Variants in TCP10L observed in about 807,000 individuals in gnomAD.
TCP10L encodes the protein t-complex 10 like, also known as T-complex protein 10A homolog 1.
In TCP10L, 11 loss-of-function variants were observed where a neutral mutation model predicts 19.2. That is an observed-to-expected ratio of 0.57 (90% CI 0.36 to 0.95). TCP10L has a LOEUF of 0.95. Among genes scored for constraint, TCP10L ranks in the 40% least tolerant of loss-of-function variants. TCP10L has a pLI of 0.01. For synonymous variants in TCP10L, 96 were observed against 97.2 expected (o/e 0.99, Z 0.07); for missense variants, 247 against 263.9 (o/e 0.94, Z 0.44).
At position 32,584,318 on chromosome 21, in the gene TCP10L, G is replaced by T; in HGVS notation, c.-1-13C>A. 6.2e-7 allele frequency: 1 copy of T among 1,612,084 alleles called. No individual in the cohort carries two copies. Among genetic ancestry groups the T allele is most frequent in the Non-Finnish European group, 8.5e-7 (1 of 1,179,026 alleles). On this transcript the variant is annotated splice_polypyrimidine_tract_variant and intron_variant, in intron 1 of 4. Transcript: ENST00000300258. ...ACCTGCCAGCATCCTGGTTGGGAAG[G>T]GAAGGGCTATGGGGACACTTGAATG...
chr21:32,584,444 T>TG, intron 1 of TCP10L, 139 bp from the exon 2 acceptor site: 1 of 911,204 alleles, frequency 1.1e-6, no homozygotes, highest in Non-Finnish European at 1.6e-6. Context: ...CATGTGCACA[T>TG]TCCCAGGCCC....
Position 32,576,881 on chromosome 21 carries a change from G to T in TCP10L, c.541C>A (p.Pro181Thr). 1.2e-6 allele frequency: 2 copies of T among 1,614,142 alleles called. No homozygotes were observed. Among genetic ancestry groups the T allele is most frequent in the Non-Finnish European group, 1.7e-6 (2 of 1,180,022 alleles). The change falls in exon 5 of 5, where the codon CCA becomes ACA. Residue 181 changes from proline to threonine, a missense_variant. Pro to Thr is a conservative substitution (Grantham distance 38). Coordinates refer to ENST00000300258, the MANE Select transcript of TCP10L (RefSeq NM_144659.7). ...KIERISSWKTPPQENRDKNLS... is the reference protein window; with the variant it reads ...KIERISSWKTTPQENRDKNLS... Reference sequence around the variant, plus strand: ...TTTTTATCTCTATTTTCCTGTGGTGGTGTTTTCCACGAGCTAATTCTTTCT... The same window carrying T: ...TTTTTATCTCTATTTTCCTGTGGTGTTGTTTTCCACGAGCTAATTCTTTCT...
At position 32,582,589 on chromosome 21, in the gene TCP10L, T is replaced by C. The variant is rs7510453; in HGVS notation, c.145-174A>G. On this transcript the variant is annotated intron_variant, in intron 2 of 4. Transcript: ENST00000300258. The surrounding 1 kb of genome is among the most constrained non-coding windows in gnomAD (Gnocchi z 4.2). ...CTTTTTCTTTCTTCTTTCTTTCCTT[T>C]CTTTCTTTCTTTTCTTTTCTTTTTT... Among the ~76,000 whole-genome samples, 5 of 143,742 alleles carry C rather than the reference T, an allele frequency of 3.5e-5. No individual in the cohort carries two copies. Among genetic ancestry groups the C allele is most frequent in the African/African-American group, 5.3e-5 (2 of 38,062 alleles). 94.3% of individuals were successfully genotyped at this position (143,742 alleles called of 152,430 possible). A position where few individuals can be genotyped will look rare whatever the true frequency, so the allele number is the denominator to read the frequency against.
intron 3 of TCP10L, among the ~76,000 whole-genome samples, chr21:32,579,560 T>C (rs1164152083): frequency 6.6e-6 from 1 of 152,186 alleles, no homozygotes; most frequent in Non-Finnish European, 1.5e-5. Flanking sequence ...TCAAATCAGG[T>C]ATGCTCTTGT....
intron 3 of TCP10L, among the ~76,000 whole-genome samples, chr21:32,580,168 C>G (rs576696882): frequency 6.6e-6 from 1 of 152,038 alleles, no homozygotes. Context: ...TGCAGTGGCG[C>G]GATCTCGGCT....
At position 32,582,292 on chromosome 21, in the gene TCP10L, G is replaced by T. The variant is rs142177455; in HGVS notation, c.268C>A (p.Arg90=). The stretch of plus-strand genomic sequence containing the variant: ...AGCTGCAGAGCTCTCAGCTTTTCTC[G>T]GAGCTCCATGTTCTGCTCCCTCAAA... The part of the protein sequence containing the change: ...DALREQNMEL[R]EKLRALQLQR... Residue 90 remains arginine (R), a synonymous_variant, in exon 3 of 5, where the codon CGA becomes AGA. Transcript: ENST00000300258. This position sits in a 1 kb window ranked among gnomAD's most constrained non-coding sequence, Gnocchi z 4.2. 3.1e-6 allele frequency: 5 copies of T among 1,613,950 alleles called. No homozygotes were observed. Among genetic ancestry groups the T allele is most frequent in the Non-Finnish European group, 4.2e-6 (5 of 1,180,022 alleles).
intron 2 of TCP10L, among the ~76,000 whole-genome samples, chr21:32,583,409 G>A (rs1214940293): frequency 1.3e-5 from 2 of 151,612 alleles, no homozygotes; most frequent in Non-Finnish European, 2.9e-5. Flanking sequence ...CTAACACGGT[G>A]AAACCCCGTC....
intron 3 of TCP10L, among the ~76,000 whole-genome samples, chr21:32,580,777 T>G (rs950048626): frequency 6.6e-6 from 1 of 152,200 alleles, no homozygotes; most frequent in Non-Finnish European, 1.5e-5. Context: ...ATTCACACTC[T>G]CTTAGGCTGG....
In TCP10L at chr21:32,576,696, G is replaced by C. The variant is rs1414741446; in HGVS notation, c.*78C>G. The C allele has an allele frequency of 4.1e-6, 6 of 1,457,928 alleles. No homozygotes were observed. Among genetic ancestry groups the C allele is most frequent in the Non-Finnish European group, 4.7e-6 (5 of 1,065,688 alleles). The allele number at this position is 1,457,928 out of a possible 1,614,324, so 90.3% of individuals were successfully genotyped here. A position where few individuals can be genotyped will look rare whatever the true frequency, so the allele number is the denominator to read the frequency against. On this transcript the variant is annotated 3_prime_UTR_variant, in exon 5 of 5. Coordinates refer to ENST00000300258, the MANE Select transcript of TCP10L (RefSeq NM_144659.7). ...AATTGAGTACTTTTATTAGACCTAA[G>C]TGGAACTTTATCTGAATCTGAATTT...
In TCP10L at chr21:32,582,392, T is replaced by C. The variant is rs2038505882; in HGVS notation, c.168A>G (p.Arg56=). 3 of 1,612,560 alleles carry C rather than the reference T, an allele frequency of 1.9e-6. No individual in the cohort carries two copies. Among genetic ancestry groups the C allele is most frequent in the Non-Finnish European group, 2.5e-6 (3 of 1,179,660 alleles). ...TCTGTCTCCCAAGCTCTTGGTGGAG[T>C]CTGATGATCTGCTGCTGTAATGGCT... is the stretch of plus-strand genomic sequence containing the variant. The part of the protein sequence containing the change: ...EMPPLQQQII[R]LHQELGRQKS... Residue 56 remains arginine (R), a synonymous_variant, in exon 3 of 5, where the codon AGA becomes AGG. Transcript: ENST00000300258. This position sits in a 1 kb window ranked among gnomAD's most constrained non-coding sequence, Gnocchi z 4.2.
Position 32,582,713 on chromosome 21 carries a change from C to T in TCP10L, c.145-298G>A, listed in dbSNP as rs1469525413. Reference sequence around the variant, plus strand: ...GCTCAAGCGATCCTCCTGTCTCGACCTCCCAAATAGCTGGGACTACAGGCA... The same window carrying T: ...GCTCAAGCGATCCTCCTGTCTCGACTTCCCAAATAGCTGGGACTACAGGCA... On this transcript the variant is annotated intron_variant, in intron 2 of 4. Transcript: ENST00000300258. The surrounding 1 kb of genome is among the most constrained non-coding windows in gnomAD (Gnocchi z 4.2). 2.0e-5 allele frequency among the ~76,000 whole-genome samples: 3 copies of T among 151,708 alleles called. No individual in the cohort carries two copies. Among genetic ancestry groups the T allele is most frequent in the African/African-American group, 7.3e-5 (3 of 41,292 alleles).
At chr21:32,581,915 G>A (rs1355868576) in intron 3 of TCP10L, among the ~76,000 whole-genome samples, 1 of 152,172 alleles carries the variant, frequency 6.6e-6, no homozygotes, top group African/African-American at 2.4e-5. Flanking sequence ...GTTTGCTGCT[G>A]TTGTCCTGAG....
chr21:32,584,425 C>G lies in TCP10L; in HGVS notation c.-1-120G>C, dbSNP rs1165877253. 2.9e-6 allele frequency: 4 copies of G among 1,388,868 alleles called. No homozygotes were observed. The East Asian group carries it at 7.6e-5, about 26-fold the overall frequency. The allele number at this position is 1,388,868 out of a possible 1,614,324, so 86.0% of individuals were successfully genotyped here. A position where few individuals can be genotyped will look rare whatever the true frequency, so the allele number is the denominator to read the frequency against. On this transcript the variant is annotated intron_variant, in intron 1 of 4. Transcript: ENST00000300258. ...GCAGGACCCGCAGCCGCTCCTTCTC[C>G]CCCTGGGTCATGTGCACATTCCCAG... is the stretch of plus-strand genomic sequence containing the variant.
chr21:32,580,467 G>A (rs999765718), intron 3 of TCP10L, among the ~76,000 whole-genome samples: 4 of 131,484 alleles, frequency 3.0e-5, no homozygotes, highest in Non-Finnish European at 4.8e-5. Flanking sequence ...GAATGTATTC[G>A]GTGGGTGCCT....
At position 32,576,495 on chromosome 21, in the gene TCP10L, T is replaced by C. The variant is rs1052945443; in HGVS notation, c.*279A>G. On this transcript the variant is annotated 3_prime_UTR_variant, in exon 5 of 5. Coordinates refer to ENST00000300258, the MANE Select transcript of TCP10L (RefSeq NM_144659.7). ...TCCATACTACAAGGTGGGTTAATTT[T>C]TTTAAAGACTCTGCAGAAATATACC... is the stretch of plus-strand genomic sequence containing the variant. The C allele has an allele frequency of 2.3e-5, 14 of 611,552 alleles. No individual in the cohort carries two copies. The highest frequency in any genetic ancestry group is 3.7e-5 in the African/African-American group (2 of 54,078). The allele number at this position is 611,552 out of a possible 1,614,324, so 37.9% of individuals were successfully genotyped here.
At position 32,578,345 on chromosome 21, in the gene TCP10L, G is replaced by A. The variant is rs552136739; in HGVS notation, c.498+349C>T. ...AAGCAGGGAGCACGGGAGGCTGCGA[G>A]CCCTCAGACTCACGGGTGGAGACAG... On this transcript the variant is annotated intron_variant, in intron 4 of 4. Coordinates refer to ENST00000300258, the MANE Select transcript of TCP10L (RefSeq NM_144659.7). The surrounding 1 kb of genome is among the most constrained non-coding windows in gnomAD (Gnocchi z 4.2). 2.0e-5 allele frequency among the ~76,000 whole-genome samples: 3 copies of A among 152,362 alleles called. No individual in the cohort carries two copies. The highest frequency in any genetic ancestry group is 6.5e-5 in the Admixed American group (1 of 15,312).
chr21:32,576,237 C>T lies in TCP10L; in HGVS notation c.*537G>A. 1 of 1,550,328 alleles carries T rather than the reference C, an allele frequency of 6.5e-7. No homozygotes were observed. Among genetic ancestry groups the T allele is most frequent in the Non-Finnish European group, 8.8e-7 (1 of 1,133,328 alleles). On this transcript the variant is annotated 3_prime_UTR_variant, in exon 5 of 5. Coordinates refer to ENST00000300258, the MANE Select transcript of TCP10L (RefSeq NM_144659.7). ...CAGCTCCTCCGGCTGCTGCCATCTG[C>T]TCCTGCAGCATGGCGGCCTGGGAAG...
chr21:32,578,943 T>G lies in TCP10L; in HGVS notation c.361-112A>C. The G allele has an allele frequency of 6.5e-7, 1 of 1,526,850 alleles. No homozygotes were observed. The highest frequency in any genetic ancestry group is 8.8e-7 in the Non-Finnish European group (1 of 1,132,404). 94.6% of individuals were successfully genotyped at this position (1,526,850 alleles called of 1,614,324 possible). A position where few individuals can be genotyped will look rare whatever the true frequency, so the allele number is the denominator to read the frequency against. On this transcript the variant is annotated intron_variant, in intron 3 of 4. Transcript: ENST00000300258. This position sits in a 1 kb window ranked among gnomAD's most constrained non-coding sequence, Gnocchi z 4.2. ...TCCTAGAAAAAAATAGGGTACAAGG[T>G]AGGGGGACTTGGACTGGGTTTTCCC...
In TCP10L at chr21:32,584,180, C is replaced by A. The variant is rs1460247172; in HGVS notation, c.125G>T (p.Cys42Phe). The change falls in exon 2 of 5, where the codon TGC becomes TTC. Residue 42 changes from cysteine to phenylalanine, a missense_variant. Physicochemically the swap from Cys to Phe is radical, Grantham distance 205 (BLOSUM62 -2). Coordinates refer to ENST00000300258, the MANE Select transcript of TCP10L (RefSeq NM_144659.7). ...ACTCACTGGCATCTCCCCAGTGTTG[C>A]AGTCCTCCGTGAGAACCTCGGCTGC... The part of the protein sequence containing the change: ...AVAAEVLTED[C>F]NTGEMPPLQQ... 6.2e-7 allele frequency: 1 copy of A among 1,613,754 alleles called. No individual in the cohort carries two copies. Among genetic ancestry groups the A allele is most frequent in the Non-Finnish European group, 8.5e-7 (1 of 1,179,834 alleles).
Sources: allele counts gnomAD v4.1 joint callset (sites outside exome capture counted in the v4.1 genomes callset), GRCh38; gene constraint gnomAD v4.1.1; non-coding constraint Gnocchi (gnomAD v3.1); transcripts MANE v1.5; gene names NCBI Gene and HGNC (gene_info 2026-07-23, HGNC 2026-07-21).